The following HS6ST1 variants were observed in gnomAD, a reference collection of about 807,000 sequenced individuals.
HS6ST1 encodes heparan sulfate 6-O-sulfotransferase 1.
A neutral mutation model predicts 25.2 loss-of-function variants in HS6ST1; 3 were observed. The ratio of observed to expected loss-of-function variants is 0.12; its 90% confidence interval spans 0.05 to 0.31. The LOEUF (loss-of-function observed/expected upper bound fraction) is 0.31. Among genes scored for constraint, HS6ST1 ranks in the 10% least tolerant of loss-of-function variants. The pLI, the probability that HS6ST1 is intolerant of heterozygous loss-of-function variation, is 1.00. For synonymous variants in HS6ST1, 204 were observed against 275.1 expected, an observed-to-expected ratio of 0.74 and a Z score of 2.56; for missense variants, 310 against 609.6, an observed-to-expected ratio of 0.51 and a Z score of 5.18.
At chr2:128,292,197 C>G (rs938085637) in intron 1 of HS6ST1, among the ~76,000 whole-genome samples, 3 of 152,240 alleles carry the variant, frequency 2.0e-5, no homozygotes, top group African/African-American at 7.2e-5. Context: ...ACAGAGACCA[C>G]CTGGTGAAGG....
intron 1 of HS6ST1, among the ~76,000 whole-genome samples, chr2:128,300,416 AC>A (rs1248940884): frequency 6.6e-6 from 1 of 152,088 alleles, no homozygotes; most frequent in Non-Finnish European, 1.5e-5. Context: ...CTTCCACAGT[AC>A]GCCTGCCCCC....
At chr2:128,309,509 CAG>C (rs1694258702) in intron 1 of HS6ST1, among the ~76,000 whole-genome samples, 1 of 152,252 alleles carries the variant, frequency 6.6e-6, no homozygotes, top group African/African-American at 2.4e-5. Flanking sequence ...AGGGAGATAA[CAG>C]GCCCCTGCCC....
chr2:128,309,506 T>C (rs840873), intron 1 of HS6ST1, among the ~76,000 whole-genome samples: 8,612 of 152,296 alleles, frequency 0.057, 310 homozygotes, highest in Middle Eastern at 0.12. Context: ...CACAGGGAGA[T>C]AACAGGCCCC....
intron 1 of HS6ST1, among the ~76,000 whole-genome samples, chr2:128,298,500 C>T (rs567729521): frequency 2.0e-5 from 3 of 152,206 alleles, no homozygotes; most frequent in South Asian, 2.1e-4. Context: ...AAAAGGAAGG[C>T]GATTCTGACA....
At chr2:128,275,295 T>C (rs1167432158) in intron 1 of HS6ST1, among the ~76,000 whole-genome samples, 1 of 152,210 alleles carries the variant, frequency 6.6e-6, no homozygotes, top group Non-Finnish European at 1.5e-5. Flanking sequence ...ATGTGGGTGA[T>C]GGGTGGGGTG....
At chr2:128,310,761 A>G (rs758715663) in intron 1 of HS6ST1, among the ~76,000 whole-genome samples, 8 of 152,122 alleles carry the variant, frequency 5.3e-5, no homozygotes, top group Non-Finnish European at 1.0e-4. Flanking sequence ...TGTTTTTCCA[A>G]AACAACATCC....
At chr2:128,315,196 C>T (rs1008022348) in intron 1 of HS6ST1, among the ~76,000 whole-genome samples, 13 of 152,232 alleles carry the variant, frequency 8.5e-5, no homozygotes, top group Non-Finnish European at 7.3e-5. Flanking sequence ...CAATGCTCTG[C>T]TCACTCTTGT....
chr2:128,289,233 G>A (rs1460117952), intron 1 of HS6ST1, among the ~76,000 whole-genome samples: 1 of 147,294 alleles, frequency 6.8e-6, no homozygotes. Flanking sequence ...CACTGAGAAA[G>A]CTGTCACCTG....
chr2:128,303,538 C>T lies in HS6ST1; in HGVS notation c.527+14499G>A, dbSNP rs147223590. ...CTGAGCTTAAAGTCCCACCTGCACACGCACCTGTCTGGGCCCAGATGCTCC... is the reference window on the plus strand; with the variant it reads ...CTGAGCTTAAAGTCCCACCTGCACATGCACCTGTCTGGGCCCAGATGCTCC... On this transcript the variant is annotated intron_variant, in intron 1 of 1. Transcript: ENST00000259241. 2.6e-3 allele frequency among the ~76,000 whole-genome samples: 393 copies of T among 152,358 alleles called. 1 individual carries two copies. The highest frequency in any genetic ancestry group is 8.7e-3 in the African/African-American group (360 of 41,592).
intron 1 of HS6ST1, among the ~76,000 whole-genome samples, chr2:128,314,187 T>C (rs1694329684): frequency 6.6e-6 from 1 of 151,878 alleles, no homozygotes; most frequent in South Asian, 2.1e-4. Context: ...GAAGGTAAGG[T>C]GGAAACTGTC....
rs931618483 is a variant in HS6ST1 at position 128,318,823 on chromosome 2, C to T, written c.-260G>A. On this transcript the variant is annotated 5_prime_UTR_variant, in exon 1 of 2. Coordinates refer to ENST00000259241, the MANE Select transcript of HS6ST1 (RefSeq NM_004807.3). The surrounding 1 kb of genome is among the most constrained non-coding windows in gnomAD (Gnocchi z 5.7). ...CCGGCCAGCACAGCGCTCTCCGCGCCCCCAGCACCAGCCCGCTCCGCTCCA... is the reference window on the plus strand; with the variant it reads ...CCGGCCAGCACAGCGCTCTCCGCGCTCCCAGCACCAGCCCGCTCCGCTCCA... Among the ~76,000 whole-genome samples the T allele has an allele frequency of 1.4e-5, 2 of 147,682 alleles. No individual in the cohort carries two copies. Among genetic ancestry groups the T allele is most frequent in the African/African-American group, 2.4e-5 (1 of 40,952 alleles).
chr2:128,301,144 C>T (rs1440935992), intron 1 of HS6ST1, among the ~76,000 whole-genome samples: 2 of 152,060 alleles, frequency 1.3e-5, no homozygotes, highest in African/African-American at 2.4e-5. Context: ...TAGCTCTAGC[C>T]GCCCCTCTGT....
At chr2:128,276,780 T>C (rs1054136907) in intron 1 of HS6ST1, among the ~76,000 whole-genome samples, 1 of 151,990 alleles carries the variant, frequency 6.6e-6, no homozygotes, top group African/African-American at 2.4e-5. Context: ...CCCGCCAGTC[T>C]CTACCCTTTG....
In HS6ST1 at chr2:128,289,389, C is replaced by T. The variant is rs116650560; in HGVS notation, c.528-20519G>A. ...TCATTTTATTCCTGCAACCCCGGTA[C>T]GGTCGCCACTATTAGATCCCCCTGC... On this transcript the variant is annotated intron_variant, in intron 1 of 1. Coordinates refer to ENST00000259241, the MANE Select transcript of HS6ST1 (RefSeq NM_004807.3). 3.9e-3 allele frequency among the ~76,000 whole-genome samples: 601 copies of T among 152,234 alleles called. 3 individuals are homozygous for T. The highest frequency in any genetic ancestry group is 0.014 in the African/African-American group (583 of 41,540).
In HS6ST1 at chr2:128,306,968, G is replaced by T. The variant is rs139843884; in HGVS notation, c.527+11069C>A. Among the ~76,000 whole-genome samples, 364 of 152,172 alleles carry T rather than the reference G, an allele frequency of 2.4e-3. 1 individual carries two copies. Among genetic ancestry groups the T allele is most frequent in the African/African-American group, 8.2e-3 (340 of 41,516 alleles). ...ACATTCAGCTCTTTGGCCGGGCTTG[G>T]GGGGTGACACAGGCAGGCTTCCCTC... On this transcript the variant is annotated intron_variant, in intron 1 of 1. Transcript: ENST00000259241.
intron 1 of HS6ST1, among the ~76,000 whole-genome samples, chr2:128,290,474 T>C (rs1271498116): frequency 6.6e-6 from 1 of 152,060 alleles, no homozygotes; most frequent in East Asian, 1.9e-4. Context: ...AAAAATCTTA[T>C]CAAATCCAAC....
At position 128,266,020 on chromosome 2, in the gene HS6ST1, G is replaced by A. The variant is rs1270864471; in HGVS notation, c.*2142C>T. The stretch of plus-strand genomic sequence containing the variant: ...GAGGAGACTGCTTTCCAAATGCAGC[G>A]AAGAGACTGAGACAAGACCCGTGCT... On this transcript the variant is annotated 3_prime_UTR_variant, in exon 2 of 2. Transcript: ENST00000259241. 2.6e-5 allele frequency: 4 copies of A among 151,714 alleles called. No individual in the cohort carries two copies. The highest frequency in any genetic ancestry group is 9.7e-5 in the African/African-American group (4 of 41,374). 9.4% of individuals were successfully genotyped at this position (151,714 alleles called of 1,614,324 possible).
At chr2:128,300,487 C>T (rs548821472) in intron 1 of HS6ST1, among the ~76,000 whole-genome samples, 2 of 152,296 alleles carry the variant, frequency 1.3e-5, no homozygotes, top group East Asian at 1.9e-4. Flanking sequence ...CTACCTGGGG[C>T]GCTGTGTGCA....
At position 128,268,747 on chromosome 2, in the gene HS6ST1, C is replaced by T. The variant is rs751383338; in HGVS notation, c.651G>A (p.Thr217=). 19 of 1,612,518 alleles carry T rather than the reference C, an allele frequency of 1.2e-5. No homozygotes were observed. Among genetic ancestry groups the T allele is most frequent in the Admixed American group, 6.7e-5 (4 of 60,010 alleles). ...SLHMCDGRTP[T]PEELPPCYEG... is the part of the protein sequence containing the mutation. ...CGTAGCAGGGCGGCAGCTCCTCAGG[C>T]GTGGGCGTGCGCCCATCACACATAT... is the stretch of plus-strand genomic sequence containing the variant. Residue 217 remains threonine (T), a synonymous_variant, in exon 2 of 2, where the codon ACG becomes ACA. Coordinates refer to ENST00000259241, the MANE Select transcript of HS6ST1 (RefSeq NM_004807.3).
Sources: gnomAD v4.1 joint callset for allele counts (sites outside exome capture counted in the v4.1 genomes callset) on GRCh38, gnomAD v4.1.1 for gene constraint, Gnocchi (gnomAD v3.1) non-coding constraint, MANE v1.5 for transcripts, NCBI Gene and HGNC (gene_info 2026-07-23, HGNC 2026-07-21) for gene names.